The following TMEM171 variants were observed in gnomAD, a reference collection of about 807,000 sequenced individuals.
TMEM171 encodes the protein proline-rich protein PRP2.
A neutral mutation model predicts 19.1 loss-of-function variants in TMEM171; 16 were observed. The ratio of observed to expected loss-of-function variants is 0.84; its 90% confidence interval spans 0.57 to 1.27. The LOEUF is 1.27. TMEM171 is among the 50% of genes most tolerant of loss of function. The pLI, the probability that TMEM171 is intolerant of heterozygous loss-of-function variation, is 0.00. For synonymous variants in TMEM171, 153 were observed against 163.4 expected, an observed-to-expected ratio of 0.94 and a Z score of 0.48; for missense variants, 429 against 412.7, an observed-to-expected ratio of 1.04 and a Z score of -0.34.
At chr5:73,127,382 A>ATATATATATATAT (rs879892153) in intron 2 of TMEM171, among the ~76,000 whole-genome samples, 9 of 68,282 alleles carry the variant, frequency 1.3e-4, no homozygotes, top group African/African-American at 5.9e-4. Flanking sequence ...AAAAAAAAAA[A>ATATATATATATAT]AAATATATAT....
intron 3 of TMEM171, among the ~76,000 whole-genome samples, chr5:73,130,775 G>A (rs1744333172): frequency 1.3e-5 from 2 of 152,114 alleles, no homozygotes; most frequent in South Asian, 2.1e-4. Flanking sequence ...GAAAGGGCAG[G>A]CTAGGGCTGG....
chr5:73,124,087 T>C, intron 2 of TMEM171, 74 bp downstream of exon 2: 1 of 1,279,852 alleles, frequency 7.8e-7, no homozygotes, highest in Non-Finnish European at 1.1e-6. Context: ...CTGCTCTTGG[T>C]TCTCGTCTGG....
At chr5:73,127,380 A>ATATAT (rs1281485655) in intron 2 of TMEM171, among the ~76,000 whole-genome samples, 42 of 61,478 alleles carry the variant, frequency 6.8e-4, no homozygotes, top group Admixed American at 9.9e-4. Flanking sequence ...AAAAAAAAAA[A>ATATAT]AAAAATATAT....
intron 3 of TMEM171, 39 bp from the exon 4 acceptor site, chr5:73,131,499 T>C (rs778777075): frequency 6.6e-7 from 1 of 1,508,348 alleles, no homozygotes; most frequent in Non-Finnish European, 8.9e-7. Context: ...GTCACTGTTT[T>C]CATCCCCTCC....
At chr5:73,127,886 G>A (rs543602765) in intron 2 of TMEM171, among the ~76,000 whole-genome samples, 3 of 151,874 alleles carry the variant, frequency 2.0e-5, no homozygotes, top group Admixed American at 6.6e-5. Flanking sequence ...GACTGCAGGC[G>A]TGTACTCCCA....
intron 3 of TMEM171, 51 bp downstream of exon 3, chr5:73,128,582 A>G (rs1217414713): frequency 1.9e-6 from 3 of 1,603,960 alleles, no homozygotes; most frequent in Non-Finnish European, 2.6e-6. Context: ...AGGCCACACT[A>G]GTATTAAGGC....
chr5:73,130,168 C>A (rs1055162021), intron 3 of TMEM171, among the ~76,000 whole-genome samples: 30 of 151,752 alleles, frequency 2.0e-4, no homozygotes, highest in Admixed American at 5.9e-4. Context: ...CTGGGAAGGG[C>A]TGGGTTTTGG....
In TMEM171 at chr5:73,124,033, G is replaced by A. The variant is rs372297565; in HGVS notation, c.640+20G>A. ...CTGTAGGTGGGTTGCTGTTATTTGC[G>A]TTCTTGCTTCTATCACAGTGGCTTT... is the stretch of plus-strand genomic sequence containing the variant. On this transcript the variant is annotated intron_variant, in intron 2 of 3. Transcript: ENST00000454765. 138 of 1,512,214 alleles carry A rather than the reference G, an allele frequency of 9.1e-5. No homozygotes were observed. The highest frequency in any genetic ancestry group is 9.0e-5 in the Admixed American group (4 of 44,236). 93.7% of individuals were successfully genotyped at this position (1,512,214 alleles called of 1,614,324 possible). A position where few individuals can be genotyped will look rare whatever the true frequency, so the allele number is the denominator to read the frequency against.
At position 73,129,609 on chromosome 5, in the gene TMEM171, G is replaced by A. The variant is rs541362395; in HGVS notation, c.782+1078G>A. 1.4e-4 allele frequency among the ~76,000 whole-genome samples: 22 copies of A among 152,208 alleles called. No homozygotes were observed. The South Asian group carries it at 4.4e-3, about 30-fold the overall frequency. The stretch of plus-strand genomic sequence containing the variant: ...GATCGCGCCACTGCACTCCAGCCTG[G>A]GCAACAGAGAGAGACTCTATCTCAG... On this transcript the variant is annotated intron_variant, in intron 3 of 3. Transcript: ENST00000454765.
chr5:73,125,785 T>C (rs1744146554), intron 2 of TMEM171, among the ~76,000 whole-genome samples: 1 of 152,178 alleles, frequency 6.6e-6, no homozygotes, highest in African/African-American at 2.4e-5. Flanking sequence ...TGTCCTGAAG[T>C]TGGCACTGCA....
rs1744359769 is a variant in TMEM171, at chr5:73,131,613, A to G, written c.858A>G (p.Ser286=). The G allele has an allele frequency of 2.5e-6, 4 of 1,613,776 alleles. No individual in the cohort carries two copies. The highest frequency in any genetic ancestry group is 2.2e-5 in the East Asian group (1 of 44,880). The change falls in exon 4 of 4, where the codon TCA becomes TCG. Residue 286 remains serine, a synonymous_variant. Transcript: ENST00000454765. ...TATATACCATTTCTGGGACGAATTC[A>G]TCTTCTGAGGCCTCACACACTCCAC... is the stretch of plus-strand genomic sequence containing the variant. ...ESIYTISGTN[S]SSEASHTPHL...
At chr5:73,128,592 C>T in intron 3 of TMEM171, 61 bp downstream of exon 3, 1 of 1,571,366 alleles carries the variant, frequency 6.4e-7, no homozygotes, top group Non-Finnish European at 8.7e-7. Flanking sequence ...AGTATTAAGG[C>T]TGTGTGGTTC....
chr5:73,124,035 T>C (rs1165743015), intron 2 of TMEM171, 22 bp downstream of exon 2: 1 of 1,512,110 alleles, frequency 6.6e-7, no homozygotes, highest in Non-Finnish European at 8.9e-7. Context: ...TTATTTGCGT[T>C]CTTGCTTCTA....
chr5:73,124,099 T>C, intron 2 of TMEM171, 86 bp downstream of exon 2: 1 of 1,174,636 alleles, frequency 8.5e-7, no homozygotes. Flanking sequence ...CTCGTCTGGA[T>C]TCTCTTTCTC....
chr5:73,123,528 T>G lies in TMEM171; in HGVS notation c.155T>G (p.Leu52Arg). Residue 52 changes from leucine (L) to arginine (R), a missense_variant, in exon 2 of 4, where the codon CTC becomes CGC. Physicochemically the swap from Leu to Arg is moderately radical, Grantham distance 102. Transcript: ENST00000454765. ...FGFQACQYKP[L>R]PDCPMVLKVA... ...TTCCAGGCATGCCAATATAAGCCCC[T>G]CCCAGACTGCCCCATGGTGCTCAAG... is the stretch of plus-strand genomic sequence containing the variant. 1 of 1,614,150 alleles carries G rather than the reference T, an allele frequency of 6.2e-7. No homozygotes were observed. Among genetic ancestry groups the G allele is most frequent in the Non-Finnish European group, 8.5e-7 (1 of 1,180,028 alleles).
intron 3 of TMEM171, among the ~76,000 whole-genome samples, chr5:73,131,031 C>T (rs1022956288): frequency 6.6e-6 from 1 of 152,154 alleles, no homozygotes. Context: ...AACTAACTTG[C>T]CCAAGATCAC....
Position 73,127,380 on chromosome 5 carries a change from A to AT in TMEM171, c.641-1010_641-1009insT, listed in dbSNP as rs1281485655. On this transcript the variant is annotated intron_variant, in intron 2 of 3. Transcript: ENST00000454765. Reference sequence around the variant, plus strand: ...TAAAAAATTTGTGGTAAAAAAAAAAAAAAAATATATATATATATATATATA... The same window carrying AT: ...TAAAAAATTTGTGGTAAAAAAAAAAATAAAAATATATATATATATATATATA... Among the ~76,000 whole-genome samples, 116 of 61,446 alleles carry AT rather than the reference A, an allele frequency of 1.9e-3. 1 individual carries two copies. The highest frequency in any genetic ancestry group is 7.7e-3 in the African/African-American group (88 of 11,452). The allele number at this position is 61,446 out of a possible 152,430, so 40.3% of individuals were successfully genotyped here. A position where few individuals can be genotyped will look rare whatever the true frequency, so the allele number is the denominator to read the frequency against.
intron 3 of TMEM171, among the ~76,000 whole-genome samples, 192 bp downstream of exon 3, chr5:73,128,723 A>G (rs527983090): frequency 6.0e-5 from 9 of 149,490 alleles, no homozygotes; most frequent in Non-Finnish European, 1.0e-4. Flanking sequence ...TGATAAAGTG[A>G]TCATGCTGGG....
At position 73,131,716 on chromosome 5, in the gene TMEM171, C is replaced by T; in HGVS notation, c.961C>T (p.Pro321Ser). The T allele has an allele frequency of 2.5e-6, 4 of 1,610,638 alleles. No individual in the cohort carries two copies. The highest frequency in any genetic ancestry group is 3.4e-6 in the Non-Finnish European group (4 of 1,178,652). ...AATFLPLSSE[P>S]SPP Reference sequence around the variant, plus strand: ...TACATTCTTGCCTCTATCTTCTGAGCCTTCCCCACCGTAAACTATGGACTC... The same window carrying T: ...TACATTCTTGCCTCTATCTTCTGAGTCTTCCCCACCGTAAACTATGGACTC... The change falls in exon 4 of 4, where the codon CCT (proline) becomes TCT (serine). Residue 321 changes from proline (P) to serine (S), a missense_variant. Transcript: ENST00000454765.
Sources: allele counts gnomAD v4.1 joint callset (sites outside exome capture counted in the v4.1 genomes callset), GRCh38; gene constraint gnomAD v4.1.1; transcripts MANE v1.5; gene names NCBI Gene and HGNC (gene_info 2026-07-23, HGNC 2026-07-21).